The following ABCD2 variants were observed in gnomAD, a reference collection of about 807,000 sequenced individuals.
ABCD2 encodes the protein ATP-binding cassette sub-family D member 2.
Under a neutral mutation model 70.9 loss-of-function variants are expected in ABCD2, and 36 were observed. The ratio of observed to expected loss-of-function variants is 0.51; its 90% CI spans 0.39 to 0.67. The LOEUF (loss-of-function observed/expected upper bound fraction) is 0.67, where lower values mean the gene tolerates loss of function less well. ABCD2 is among the 30% of genes least tolerant of loss of function. The pLI is 0.00. For missense variants in ABCD2, 729 were observed against 890.2 expected (o/e 0.82, Z 2.30); for synonymous variants, 304 against 306.9 (o/e 0.99, Z 0.10).
intron 7 of ABCD2, among the ~76,000 whole-genome samples, chr12:39,585,002 C>T (rs1392280450): frequency 6.6e-6 from 1 of 152,142 alleles, no homozygotes; most frequent in East Asian, 1.9e-4. Flanking sequence ...GCTATTCAGG[C>T]TCTTTCTTGG....
downstream of ABCD2, among the ~76,000 whole-genome samples, chr12:39,549,777 A>C (rs1443126455): frequency 6.6e-6 from 1 of 151,932 alleles, no homozygotes; most frequent in Non-Finnish European, 1.5e-5. Flanking sequence ...AGGCTTTATA[A>C]TCAAATATTG....
rs181143845 is a variant in ABCD2, at chr12:39,587,246, A to G, written c.1647-949T>C. Among the ~76,000 whole-genome samples, 87 of 152,310 alleles carry G rather than the reference A, an allele frequency of 5.7e-4. 1 individual carries two copies. Among genetic ancestry groups the G allele is most frequent in the Admixed American group, 5.6e-3 (86 of 15,298 alleles). ...TAATAAAAGGATGAGGAAGACCTCT[A>G]TAAACTGATATAGAGTGATTTCCAT... On this transcript the variant is annotated intron_variant, in intron 6 of 9. Coordinates refer to ENST00000308666, the MANE Select transcript of ABCD2 (RefSeq NM_005164.4).
intron 8 of ABCD2, among the ~76,000 whole-genome samples, chr12:39,577,834 A>C (rs567376972): frequency 6.6e-6 from 1 of 152,346 alleles, no homozygotes; most frequent in East Asian, 1.9e-4. Context: ...AAATGAGTAG[A>C]TAAATCAAGT....
At chr12:39,616,794 G>A (rs79279322) in intron 2 of ABCD2, among the ~76,000 whole-genome samples, 194 bp downstream of exon 2, 5,741 of 151,972 alleles carry the variant, frequency 0.038, 375 homozygotes, top group African/African-American at 0.13. Flanking sequence ...AACTGGGAAC[G>A]TCTTTGAACC....
At chr12:39,617,806 C>T (rs1281831539) in intron 1 of ABCD2, among the ~76,000 whole-genome samples, 1 of 152,078 alleles carries the variant, frequency 6.6e-6, no homozygotes, top group Non-Finnish European at 1.5e-5. Context: ...ATGCCATCTT[C>T]AACAGTAGAA....
chr12:39,561,807 A>T (rs1941264148), intron 9 of ABCD2, among the ~76,000 whole-genome samples: 1 of 152,168 alleles, frequency 6.6e-6, no homozygotes, highest in Admixed American at 6.5e-5. Flanking sequence ...AGAAAGAAAC[A>T]CCAGATTTAA....
Position 39,552,708 on chromosome 12 carries a change from C to A in ABCD2, c.*1204G>T, listed in dbSNP as rs562285820. ...ATCTTTGCACTTTGTACTTAATTTT[C>A]ATTTCTTGTAAACAATAACCAAATA... On this transcript the variant is annotated 3_prime_UTR_variant, in exon 10 of 10. Transcript: ENST00000308666. 2 of 152,028 alleles carry A rather than the reference C, an allele frequency of 1.3e-5. No homozygotes were observed. Among genetic ancestry groups the A allele is most frequent in the South Asian group, 4.1e-4 (2 of 4,826 alleles). The allele number at this position is 152,028 out of a possible 1,614,324, so 9.4% of individuals were successfully genotyped here.
At chr12:39,543,876 T>C in the ABCD2 span, among the ~76,000 whole-genome samples, 1 of 152,204 alleles carries the variant, frequency 6.6e-6, no homozygotes, top group African/African-American at 2.4e-5. Context: ...GTATCCTCTA[T>C]CAGCTCACAC....
chr12:39,559,979 CAAAT>C (rs747588104), intron 9 of ABCD2, among the ~76,000 whole-genome samples: 19 of 152,072 alleles, frequency 1.2e-4, no homozygotes, highest in South Asian at 2.1e-4. Flanking sequence ...TCAGAATACT[CAAAT>C]AATATAAAGG....
At chr12:39,535,602 A>C in the ABCD2 span, among the ~76,000 whole-genome samples, 34 of 152,342 alleles carry the variant, frequency 2.2e-4, no homozygotes, top group East Asian at 5.8e-3. Flanking sequence ...TCTAAATTCG[A>C]AATATCTTAG....
Position 39,553,865 on chromosome 12 carries a change from T to C in ABCD2, c.*47A>G. On this transcript the variant is annotated 3_prime_UTR_variant, in exon 10 of 10. Coordinates refer to ENST00000308666, the MANE Select transcript of ABCD2 (RefSeq NM_005164.4). ...ACTTCATGCAGTATAACAGAATGTC[T>C]TTGAGCCTTTATCTAATAATTAACT... The C allele has an allele frequency of 7.1e-7, 1 of 1,402,332 alleles. No individual in the cohort carries two copies. Among genetic ancestry groups the C allele is most frequent in the South Asian group, 1.2e-5 (1 of 80,826 alleles). The allele number at this position is 1,402,332 out of a possible 1,614,324, so 86.9% of individuals were successfully genotyped here. A position where few individuals can be genotyped will look rare whatever the true frequency, so the allele number is the denominator to read the frequency against.
chr12:39,534,510 C>T, the ABCD2 span, among the ~76,000 whole-genome samples: 1 of 152,002 alleles, frequency 6.6e-6, no homozygotes, highest in African/African-American at 2.4e-5. Flanking sequence ...ACAAAGCATG[C>T]TCAGAAAATA....
At chr12:39,605,397 T>G (rs1260693693) in intron 3 of ABCD2, among the ~76,000 whole-genome samples, 6 of 152,134 alleles carry the variant, frequency 3.9e-5, no homozygotes, top group Non-Finnish European at 8.8e-5. Flanking sequence ...TTGTCAAAAT[T>G]CCTCTATTTG....
chr12:39,538,260 C>G, the ABCD2 span, among the ~76,000 whole-genome samples: 1 of 151,318 alleles, frequency 6.6e-6, no homozygotes, highest in Non-Finnish European at 1.5e-5. Context: ...ACCTCCACCT[C>G]CAGGGTTCAA....
At chr12:39,573,211 T>C (rs550216285) in intron 9 of ABCD2, among the ~76,000 whole-genome samples, 14 of 152,254 alleles carry the variant, frequency 9.2e-5, no homozygotes, top group East Asian at 5.8e-4. Flanking sequence ...AAATTCTATA[T>C]GGTTTTATGA....
chr12:39,600,427 T>C (rs758632641), intron 6 of ABCD2, 144 bp downstream of exon 6: 496 of 770,412 alleles, frequency 6.4e-4, no homozygotes, highest in Non-Finnish European at 8.4e-4. Context: ...ATAAAATATT[T>C]TGGGCTAAGT....
At chr12:39,538,261 C>T in the ABCD2 span, among the ~76,000 whole-genome samples, 1 of 151,514 alleles carries the variant, frequency 6.6e-6, no homozygotes, top group Admixed American at 6.6e-5. Flanking sequence ...CCTCCACCTC[C>T]AGGGTTCAAG....
intron 9 of ABCD2, among the ~76,000 whole-genome samples, chr12:39,563,595 T>C (rs1372801077): frequency 6.6e-6 from 1 of 152,160 alleles, no homozygotes; most frequent in Non-Finnish European, 1.5e-5. Flanking sequence ...AGGAAAAAGA[T>C]AAATTGTTCC....
intron 6 of ABCD2, among the ~76,000 whole-genome samples, chr12:39,591,917 G>A (rs2120665780): frequency 6.6e-6 from 1 of 152,224 alleles, no homozygotes; most frequent in East Asian, 1.9e-4. Flanking sequence ...AAACTTTTGA[G>A]TGAGAGGGGA....
Sources: allele counts gnomAD v4.1 joint callset (sites outside exome capture counted in the v4.1 genomes callset), GRCh38; gene constraint gnomAD v4.1.1; transcripts MANE v1.5; gene names NCBI Gene and HGNC (gene_info 2026-07-23, HGNC 2026-07-21).